APOOL: variants seen among roughly 807,000 people sequenced by gnomAD.
The protein encoded by APOOL is apolipoprotein O like.
Under a neutral mutation model 23.1 loss-of-function variants are expected in APOOL, and 12 were observed. The ratio of observed to expected loss-of-function variants is 0.52; its 90% CI spans 0.33 to 0.84. The LOEUF is 0.84. APOOL is among the 40% of genes least tolerant of loss of function. The pLI, the probability that APOOL is intolerant of heterozygous loss-of-function variation, is 0.02. For synonymous variants in APOOL, 77 were observed against 69.9 expected (o/e 1.10, Z -0.51); for missense variants, 212 against 199.6 (o/e 1.06, Z -0.37).
At chrX:85,072,956 A>C (rs939780957) in intron 6 of APOOL, among the ~76,000 whole-genome samples, 1 of 111,943 alleles carries the variant, frequency 8.9e-6, no homozygotes. Flanking sequence ...ATGCCAGTAC[A>C]TATAGATCTA....
chrX:85,060,310 G>A (rs1288223570), intron 5 of APOOL, among the ~76,000 whole-genome samples: 17 of 105,993 alleles, frequency 1.6e-4, no homozygotes, highest in East Asian at 1.2e-3. Context: ...GTCAGGTAGC[G>A]TGATGCCTCC....
At chrX:85,060,538 A>G (rs201146662) in intron 5 of APOOL, among the ~76,000 whole-genome samples, 4,914 of 109,569 alleles carry the variant, frequency 0.045, 251 homozygotes, top group African/African-American at 0.15. Context: ...ATTTGTTTGT[A>G]TCCTCTTTTA....
intron 3 of APOOL, among the ~76,000 whole-genome samples, chrX:85,053,018 T>G (rs1029638717): frequency 8.9e-6 from 1 of 111,750 alleles, no homozygotes; most frequent in Middle Eastern, 4.2e-3. Context: ...TAAACAATTT[T>G]TTTTCCTAAT....
At chrX:85,048,773 A>G (rs1026248769) in intron 2 of APOOL, among the ~76,000 whole-genome samples, 11 of 112,314 alleles carry the variant, frequency 9.8e-5, no homozygotes, top group African/African-American at 3.6e-4. Flanking sequence ...GCAGCTAAAC[A>G]GAAAATCTGT....
Position 85,088,088 on chromosome X carries a change from A to G in APOOL, c.*410A>G, listed in dbSNP as rs1334620382. 1 of 16,338 alleles carries G rather than the reference A, an allele frequency of 6.1e-5. No individual in the cohort carries two copies. The highest frequency in any genetic ancestry group is 1.1e-4 in the Non-Finnish European group (1 of 9,195). 1.3% of individuals were successfully genotyped at this position (16,338 alleles called of 1,213,427 possible). A position where few individuals can be genotyped will look rare whatever the true frequency, so the allele number is the denominator to read the frequency against. On this transcript the variant is annotated 3_prime_UTR_variant, in exon 9 of 9. Coordinates refer to ENST00000373173, the MANE Select transcript of APOOL (RefSeq NM_198450.6). ...TATAAATACATATACATATATGTAT[A>G]AATACATATACATATTTATACATAT...
At chrX:85,036,695 T>C (rs1922228578) in intron 1 of APOOL, among the ~76,000 whole-genome samples, 1 of 111,644 alleles carries the variant, frequency 9.0e-6, no homozygotes, top group Non-Finnish European at 1.9e-5. Flanking sequence ...GAATTTTATT[T>C]TATTTTTAAA....
intron 1 of APOOL, among the ~76,000 whole-genome samples, chrX:85,028,197 G>A (rs1264768455): frequency 9.0e-6 from 1 of 111,144 alleles, no homozygotes; most frequent in Non-Finnish European, 1.9e-5. Flanking sequence ...GGTGTTGGCA[G>A]GCATGTGTTC....
At chrX:85,036,458 A>G (rs183441372) in intron 1 of APOOL, among the ~76,000 whole-genome samples, 156 of 111,106 alleles carry the variant, frequency 1.4e-3, no homozygotes, top group African/African-American at 5.0e-3. Flanking sequence ...GATCAATTTT[A>G]TATATTTCTT....
At chrX:85,067,637 C>CACACACACACACACACACACACACACAT (rs1569459303) in intron 6 of APOOL, among the ~76,000 whole-genome samples, 20 of 106,481 alleles carry the variant, frequency 1.9e-4, no homozygotes, top group African/African-American at 7.1e-4. Context: ...AACACACACA[C>CACACACACACACACACACACACACACAT]ACACACACAC....
intron 2 of APOOL, among the ~76,000 whole-genome samples, chrX:85,047,819 A>G (rs1369947710): frequency 9.0e-6 from 1 of 111,635 alleles, no homozygotes; most frequent in Non-Finnish European, 1.9e-5. Context: ...ACACTTAATA[A>G]TATGTTTTTG....
At chrX:85,018,289 C>T (rs986048868) in intron 1 of APOOL, among the ~76,000 whole-genome samples, 13 of 111,948 alleles carry the variant, frequency 1.2e-4, no homozygotes, top group Non-Finnish European at 2.1e-4. Context: ...AGCTAACTAT[C>T]ATGCCAGAAG....
chrX:85,078,324 C>T (rs1923942395), intron 8 of APOOL, among the ~76,000 whole-genome samples: 1 of 111,737 alleles, frequency 8.9e-6, no homozygotes, highest in Non-Finnish European at 1.9e-5. Flanking sequence ...CCAGTTTTCC[C>T]AGCACCATTT....
intron 1 of APOOL, among the ~76,000 whole-genome samples, chrX:85,016,177 A>G (rs1921465355): frequency 9.2e-6 from 1 of 108,221 alleles, no homozygotes; most frequent in African/African-American, 3.4e-5. Flanking sequence ...ATCCCTGGAT[A>G]GTCACCAGTT....
chrX:85,067,346 T>A (rs566670067), intron 6 of APOOL, 128 bp downstream of exon 6: 4 of 422,387 alleles, frequency 9.5e-6, no homozygotes, highest in African/African-American at 2.4e-5. Context: ...AACTCTTATG[T>A]TGGCCAAATC....
intron 1 of APOOL, 156 bp from the exon 2 acceptor site, chrX:85,046,290 A>G (rs1245757247): frequency 9.3e-6 from 4 of 429,773 alleles, no homozygotes; most frequent in African/African-American, 5.0e-5. Flanking sequence ...TTTATGAACT[A>G]TGTCTTAAAA....
intron 1 of APOOL, among the ~76,000 whole-genome samples, chrX:85,042,834 C>A (rs766938578): frequency 1.8e-5 from 2 of 111,746 alleles, no homozygotes; most frequent in East Asian, 5.7e-4. Flanking sequence ...GGATTAAAAT[C>A]ATAATAATCA....
rs746486912 is a variant in APOOL at position 85,010,360 on chromosome X, A to C, written c.15+6433A>C. 7.4e-4 allele frequency among the ~76,000 whole-genome samples: 83 copies of C among 112,040 alleles called. 1 individual carries two copies. The highest frequency in any genetic ancestry group is 2.6e-3 in the African/African-American group (79 of 30,836). On this transcript the variant is annotated intron_variant, in intron 1 of 8. Transcript: ENST00000373173. ...CTGTTCAGATATTTTGCCCATTTAA[A>C]AAAAATTTTAATAGATTTTCAGGAA...
intron 6 of APOOL, among the ~76,000 whole-genome samples, chrX:85,072,668 C>T (rs1392367426): frequency 9.0e-6 from 1 of 110,959 alleles, no homozygotes; most frequent in African/African-American, 3.3e-5. Context: ...AATTGTGGTG[C>T]ATACATTATA....
chrX:85,044,254 ATG>A (rs745401579), intron 1 of APOOL, among the ~76,000 whole-genome samples: 5 of 103,801 alleles, frequency 4.8e-5, no homozygotes, highest in Non-Finnish European at 5.9e-5. Flanking sequence ...GCTCATATTT[ATG>A]TGTGTGTGTG....
Sources: allele counts gnomAD v4.1 joint callset (sites outside exome capture counted in the v4.1 genomes callset), GRCh38; gene constraint gnomAD v4.1.1; transcripts MANE v1.5; gene names NCBI Gene and HGNC (gene_info 2026-07-23, HGNC 2026-07-21).